VPS8: variants seen among roughly 807,000 people sequenced by gnomAD.
VPS8 encodes vacuolar protein sorting-associated protein 8 homolog.
VPS8 carries 129 observed loss-of-function variants against 216.4 expected under a neutral mutation model. That is an observed-to-expected ratio of 0.60 (90% CI 0.52 to 0.69). The LOEUF (loss-of-function observed/expected upper bound fraction) is 0.69. Among genes scored for constraint, VPS8 ranks in the 30% least tolerant of loss-of-function variants. The pLI is 0.00. For synonymous variants in VPS8, 571 were observed against 565.4 expected (o/e 1.01, Z -0.14); for missense variants, 1,531 against 1,683.5 (o/e 0.91, Z 1.59).
At chr3:184,866,632 A>G (rs1354879484) in intron 16 of VPS8, among the ~76,000 whole-genome samples, 1 of 152,204 alleles carries the variant, frequency 6.6e-6, no homozygotes, top group Non-Finnish European at 1.5e-5. Flanking sequence ...CTATAGAAGC[A>G]ATATATATAA....
At chr3:184,828,590 C>CT (rs1334104788) in intron 3 of VPS8, among the ~76,000 whole-genome samples, 1 of 151,990 alleles carries the variant, frequency 6.6e-6, no homozygotes, top group Non-Finnish European at 1.5e-5. Flanking sequence ...TAACTATAAC[C>CT]TTTTTCCCCT....
intron 29 of VPS8, among the ~76,000 whole-genome samples, chr3:184,921,850 C>T (rs1282301991): frequency 6.6e-6 from 1 of 152,172 alleles, no homozygotes; most frequent in Non-Finnish European, 1.5e-5. Flanking sequence ...CAGGTGTGAG[C>T]CACTGTGCCC....
At chr3:185,028,444 T>C (rs1757683863) in intron 46 of VPS8, among the ~76,000 whole-genome samples, 1 of 152,190 alleles carries the variant, frequency 6.6e-6, no homozygotes, top group Non-Finnish European at 1.5e-5. Flanking sequence ...TGGAGAAGTC[T>C]GGTAAAAGAT....
chr3:185,045,765 TAAAAAAA>T (rs71632043), intron 46 of VPS8, among the ~76,000 whole-genome samples: 1 of 129,090 alleles, frequency 7.7e-6, no homozygotes. Flanking sequence ...AGACTCCGTC[TAAAAAAA>T]AAAAAAAAAA....
rs570199585 is a variant in VPS8 at position 185,027,343 on chromosome 3, C to T, written c.4056+2954C>T. On this transcript the variant is annotated intron_variant, in intron 46 of 47. Coordinates refer to ENST00000625842, the MANE Select transcript of VPS8 (RefSeq NM_001009921.3). ...CTGCAAGCTTCGCCTCCCGGGTTCA[C>T]GCCATTCTCCTGCCTCAGCCTCCCA... 3.7e-4 allele frequency among the ~76,000 whole-genome samples: 56 copies of T among 149,710 alleles called. 1 individual carries two copies. The highest frequency in any genetic ancestry group is 1.6e-3 in the Admixed American group (24 of 14,960).
chr3:184,866,970 G>A lies in VPS8; in HGVS notation c.1470+20G>A, dbSNP rs375528579. The A allele has an allele frequency of 3.0e-5, 49 of 1,609,786 alleles. No homozygotes were observed. Among genetic ancestry groups the A allele is most frequent in the Non-Finnish European group, 4.0e-5 (47 of 1,178,046 alleles). ...ACAAAAGTAAGCTCTTTTACTCTGT[G>A]AGTTGGTATTTGTATGTATCAGGGT... is the stretch of plus-strand genomic sequence containing the variant. On this transcript the variant is annotated intron_variant, in intron 17 of 47. Coordinates refer to ENST00000625842, the MANE Select transcript of VPS8 (RefSeq NM_001009921.3).
intron 16 of VPS8, among the ~76,000 whole-genome samples, chr3:184,863,506 T>C (rs896370992): frequency 6.6e-6 from 1 of 152,122 alleles, no homozygotes; most frequent in African/African-American, 2.4e-5. Flanking sequence ...TGAACAGGTA[T>C]GGTAGCTGTG....
At chr3:184,880,915 A>C (rs1301043802) in intron 21 of VPS8, among the ~76,000 whole-genome samples, 2 of 152,170 alleles carry the variant, frequency 1.3e-5, no homozygotes, top group African/African-American at 4.8e-5. Context: ...ATGACTAATG[A>C]TGTTAAACAT....
chr3:184,982,441 C>T, intron 40 of VPS8, 125 bp from the exon 41 acceptor site: 2 of 600,298 alleles, frequency 3.3e-6, no homozygotes, highest in South Asian at 2.7e-5. Context: ...TAATGTTTAC[C>T]AACAAATGTA....
chr3:184,910,727 G>T (rs1460668198), intron 25 of VPS8, among the ~76,000 whole-genome samples: 1 of 152,164 alleles, frequency 6.6e-6, no homozygotes, highest in Non-Finnish European at 1.5e-5. Context: ...TGCCAGGAAG[G>T]TTAGGGGCCT....
chr3:184,943,070 G>A (rs1204127596), intron 36 of VPS8, among the ~76,000 whole-genome samples: 2 of 152,176 alleles, frequency 1.3e-5, no homozygotes, highest in African/African-American at 4.8e-5. Flanking sequence ...TTCCAGGGAT[G>A]CAGGGTACAC....
At chr3:184,912,468 CGTTT>C (rs1193053977) in intron 25 of VPS8, among the ~76,000 whole-genome samples, 3 of 152,028 alleles carry the variant, frequency 2.0e-5, no homozygotes, top group Non-Finnish European at 2.9e-5. Flanking sequence ...CCAGGATTTT[CGTTT>C]GTTTGTTTTT....
At chr3:184,831,428 C>T (rs1201957800) in intron 3 of VPS8, among the ~76,000 whole-genome samples, 2 of 152,096 alleles carry the variant, frequency 1.3e-5, no homozygotes, top group African/African-American at 2.4e-5. Context: ...ATGAGTGGAT[C>T]GAGGTAGTGA....
intron 1 of VPS8, among the ~76,000 whole-genome samples, chr3:184,819,865 G>T (rs935983587): frequency 6.6e-6 from 1 of 152,126 alleles, no homozygotes; most frequent in Non-Finnish European, 1.5e-5. Context: ...TGTGTTATTT[G>T]TATTTAGTTA....
intron 37 of VPS8, among the ~76,000 whole-genome samples, chr3:184,959,463 A>G (rs1235205471): frequency 6.6e-6 from 1 of 152,200 alleles, no homozygotes; most frequent in Non-Finnish European, 1.5e-5. Context: ...AAAAAAGTAA[A>G]TGTTTTAATT....
intron 30 of VPS8, 146 bp downstream of exon 30, chr3:184,925,127 G>C (rs917501179): frequency 9.2e-7 from 1 of 1,092,100 alleles, no homozygotes; most frequent in Non-Finnish European, 1.3e-6. Context: ...CTAAGTTAGG[G>C]GGGTATGTGT....
intron 25 of VPS8, among the ~76,000 whole-genome samples, chr3:184,902,842 A>G (rs1211732023): frequency 1.3e-5 from 2 of 152,100 alleles, no homozygotes; most frequent in African/African-American, 2.4e-5. Context: ...AAAAAAAAAA[A>G]AAAGAAATCT....
chr3:184,863,186 T>C, intron 16 of VPS8, 119 bp downstream of exon 16: 1 of 1,226,942 alleles, frequency 8.2e-7, no homozygotes, highest in Non-Finnish European at 1.1e-6. Context: ...TTGAGGTGTT[T>C]CTTTACAAGC....
chr3:184,892,823 CT>C (rs1179646651), intron 22 of VPS8, among the ~76,000 whole-genome samples: 1 of 152,126 alleles, frequency 6.6e-6, no homozygotes, highest in Non-Finnish European at 1.5e-5. Flanking sequence ...CTCCCCAAGG[CT>C]TTTTGTACTA....
Sources: allele counts gnomAD v4.1 joint callset (sites outside exome capture counted in the v4.1 genomes callset), GRCh38; gene constraint gnomAD v4.1.1; transcripts MANE v1.5; gene names NCBI Gene and HGNC (gene_info 2026-07-23, HGNC 2026-07-21).